The following SMIM36 variants were observed in gnomAD, a reference collection of about 807,000 sequenced individuals.
SMIM36 encodes the protein small integral membrane protein 36.
intron 1 of SMIM36, among the ~76,000 whole-genome samples, chr17:55,493,171 C>T (rs1909742963): frequency 6.6e-6 from 1 of 152,188 alleles, no homozygotes; most frequent in Non-Finnish European, 1.5e-5. Context: ...CACTAGTTTC[C>T]TCATTCAGGG....
chr17:55,464,442 A>G (rs1465113444), intron 4 of SMIM36, among the ~76,000 whole-genome samples: 1 of 152,122 alleles, frequency 6.6e-6, no homozygotes, highest in East Asian at 1.9e-4. Flanking sequence ...GGATGTTCAG[A>G]TCTGGTAGTG....
At chr17:55,494,684 A>G (rs1311988188) in intron 1 of SMIM36, among the ~76,000 whole-genome samples, 1 of 151,854 alleles carries the variant, frequency 6.6e-6, no homozygotes, top group African/African-American at 2.4e-5. Flanking sequence ...TTGTTTGAAC[A>G]CACACACACA....
At chr17:55,452,059 C>G (rs1330918798) in intron 4 of SMIM36, among the ~76,000 whole-genome samples, 3 of 136,004 alleles carry the variant, frequency 2.2e-5, no homozygotes. Flanking sequence ...ATGATTGGGC[C>G]ACTGTACTCC....
chr17:55,489,113 C>CA lies in SMIM36; in HGVS notation c.*175-9534dup, dbSNP rs531512851. On this transcript the variant is annotated intron_variant, in intron 1 of 4. Coordinates refer to ENST00000636752, the Ensembl canonical transcript of SMIM36. The stretch of plus-strand genomic sequence containing the variant: ...AAATGTAAGGCCGGGCACAATGACT[C>CA]ACGCCTGTAATCCCAGCACGTTGGG... Among the ~76,000 whole-genome samples the CA allele has an allele frequency of 6.6e-4, 100 of 152,342 alleles. 1 individual carries two copies. Among genetic ancestry groups the CA allele is most frequent in the Non-Finnish European group, 1.0e-3 (68 of 68,042 alleles).
chr17:55,521,020 G>A, the SMIM36 span, among the ~76,000 whole-genome samples: 1 of 152,158 alleles, frequency 6.6e-6, no homozygotes, highest in Admixed American at 6.5e-5. Context: ...GCCACTGGGA[G>A]GCTGAGGCAG....
chr17:55,487,741 G>A (rs1909631923), intron 1 of SMIM36, among the ~76,000 whole-genome samples: 1 of 152,140 alleles, frequency 6.6e-6, no homozygotes, highest in Non-Finnish European at 1.5e-5. Context: ...CACCCTTGGG[G>A]AGCCCAGAAA....
In SMIM36 at chr17:55,469,833, C is replaced by G. The variant is rs147888865; in HGVS notation, c.*348-2505G>C. Reference sequence around the variant, plus strand: ...TCTCCACTAAAAATACAAAAATTAGCCGGGCATGGTGGCACATGCCTGTAG... The same window carrying G: ...TCTCCACTAAAAATACAAAAATTAGGCGGGCATGGTGGCACATGCCTGTAG... On this transcript the variant is annotated intron_variant, in intron 3 of 4. Coordinates refer to ENST00000636752, the Ensembl canonical transcript of SMIM36. 1.0e-3 allele frequency among the ~76,000 whole-genome samples: 154 copies of G among 152,188 alleles called. 4 individuals carry two copies. The East Asian group carries it at 0.023, about 23-fold the overall frequency.
At chr17:55,462,853 GA>G (rs1202081411) in intron 4 of SMIM36, among the ~76,000 whole-genome samples, 1 of 152,120 alleles carries the variant, frequency 6.6e-6, no homozygotes, top group Non-Finnish European at 1.5e-5. Context: ...CAGATGTGGA[GA>G]GGTCCTTTGA....
At chr17:55,464,841 G>C (rs1457857871) in intron 4 of SMIM36, among the ~76,000 whole-genome samples, 1 of 152,022 alleles carries the variant, frequency 6.6e-6, no homozygotes, top group Non-Finnish European at 1.5e-5. Context: ...TCTTTCATTC[G>C]CTCCTTTGAG....
chr17:55,471,891 A>G (rs1398756904), intron 3 of SMIM36, among the ~76,000 whole-genome samples: 1 of 152,202 alleles, frequency 6.6e-6, no homozygotes, highest in Non-Finnish European at 1.5e-5. Flanking sequence ...TAATACTTCT[A>G]GAGGCCTTCA....
At chr17:55,482,780 A>AAT (rs1909542090) in intron 1 of SMIM36, among the ~76,000 whole-genome samples, 2 of 152,236 alleles carry the variant, frequency 1.3e-5, no homozygotes, top group Non-Finnish European at 2.9e-5. Flanking sequence ...TGATAGAGGC[A>AAT]TTCATATGGA....
chr17:55,483,954 T>A (rs1909563414), intron 1 of SMIM36, among the ~76,000 whole-genome samples: 1 of 152,068 alleles, frequency 6.6e-6, no homozygotes, highest in Admixed American at 6.5e-5. Flanking sequence ...TTAAAATAAA[T>A]CTCTCTCTTT....
chr17:55,459,403 A>T (rs1909096348), intron 4 of SMIM36, among the ~76,000 whole-genome samples: 1 of 152,070 alleles, frequency 6.6e-6, no homozygotes, highest in Non-Finnish European at 1.5e-5. Flanking sequence ...GGCAAAACCT[A>T]TTTGGTATAT....
At chr17:55,465,958 C>A (rs1909228907) in intron 4 of SMIM36, among the ~76,000 whole-genome samples, 1 of 152,004 alleles carries the variant, frequency 6.6e-6, no homozygotes, top group Non-Finnish European at 1.5e-5. Flanking sequence ...TAGGGAAGTG[C>A]TTTGAGCCAG....
At chr17:55,494,407 T>A (rs545000540) in intron 1 of SMIM36, among the ~76,000 whole-genome samples, 10 of 152,300 alleles carry the variant, frequency 6.6e-5, no homozygotes, top group Admixed American at 2.0e-4. Flanking sequence ...TTTAATTTTT[T>A]AAAAAAACTT....
intron 3 of SMIM36, among the ~76,000 whole-genome samples, chr17:55,477,860 T>C (rs1167434437): frequency 6.6e-6 from 1 of 152,026 alleles, no homozygotes; most frequent in African/African-American, 2.4e-5. Context: ...ACTTTTTTTT[T>C]TTTTTTAAGA....
intron 4 of SMIM36, among the ~76,000 whole-genome samples, chr17:55,463,080 A>G (rs1160675684): frequency 2.6e-5 from 4 of 152,148 alleles, no homozygotes; most frequent in African/African-American, 7.2e-5. Flanking sequence ...CCTCCAGGCT[A>G]TGTAATAATA....
At chr17:55,515,086 G>GGTTT (rs1910247821), upstream of SMIM36, among the ~76,000 whole-genome samples, 1 of 54,086 alleles carries the variant, frequency 1.8e-5, no homozygotes, top group African/African-American at 1.0e-4. Context: ...CTAGTCTAGT[G>GGTTT]TTTTTTTTTT....
intron 4 of SMIM36, among the ~76,000 whole-genome samples, chr17:55,457,087 A>G (rs546918645): frequency 6.6e-6 from 1 of 152,306 alleles, no homozygotes; most frequent in Admixed American, 6.5e-5. Context: ...ATTCATGGTC[A>G]TAAGAGTAGA....
Sources: gnomAD v4.1 joint callset for allele counts (sites outside exome capture counted in the v4.1 genomes callset) on GRCh38, gnomAD v4.1.1 for gene constraint, MANE v1.5 for transcripts, NCBI Gene and HGNC (gene_info 2026-07-23, HGNC 2026-07-21) for gene names.